KCNQ5: variants seen among roughly 807,000 people sequenced by gnomAD.
KCNQ5 encodes the protein potassium voltage-gated channel subfamily KQT member 5.
A neutral mutation model predicts 98.2 loss-of-function variants in KCNQ5; 30 were observed. The observed-to-expected ratio is 0.31, with a 90% CI of 0.23 to 0.41. The LOEUF (loss-of-function observed/expected upper bound fraction) is 0.41, where lower values mean the gene tolerates loss of function less well. KCNQ5 is among the 10% of genes least tolerant of loss of function. The probability of loss-of-function intolerance (pLI) is 1.00; values close to 1 mark genes in which losing one functional copy is unlikely to be tolerated. For synonymous variants in KCNQ5, 458 were observed against 449.4 expected, an observed-to-expected ratio of 1.02 and a Z score of -0.24; for missense variants, 835 against 1,182.5, an observed-to-expected ratio of 0.71 and a Z score of 4.31.
intron 1 of KCNQ5, among the ~76,000 whole-genome samples, chr6:72,859,989 T>C (rs1777698356): frequency 6.6e-6 from 1 of 152,098 alleles, no homozygotes; most frequent in Non-Finnish European, 1.5e-5. Flanking sequence ...TTTCCCCTTT[T>C]GTTGTCTCCA....
At chr6:72,771,902 G>A (rs1772911924) in intron 1 of KCNQ5, among the ~76,000 whole-genome samples, 1 of 151,978 alleles carries the variant, frequency 6.6e-6, no homozygotes, top group African/African-American at 2.4e-5. Flanking sequence ...TTACGTATAG[G>A]GAACAAGGAC....
chr6:73,075,435 A>C (rs181389035), intron 3 of KCNQ5, among the ~76,000 whole-genome samples: 182 of 152,118 alleles, frequency 1.2e-3, no homozygotes, highest in East Asian at 9.5e-3. Context: ...GTTGGCCAGG[A>C]TGGTCTCGAT....
At chr6:72,696,486 C>T (rs1481926929) in intron 1 of KCNQ5, among the ~76,000 whole-genome samples, 1 of 152,048 alleles carries the variant, frequency 6.6e-6, no homozygotes, top group Admixed American at 6.6e-5. Context: ...GAGATAATTA[C>T]AGAAGAATAA....
chr6:72,983,430 A>AT (rs1231315585), intron 1 of KCNQ5, among the ~76,000 whole-genome samples: 1 of 152,028 alleles, frequency 6.6e-6, no homozygotes. Flanking sequence ...TTGATCTTCA[A>AT]TCACTGATAC....
intron 5 of KCNQ5, among the ~76,000 whole-genome samples, chr6:73,081,166 G>A (rs1294922737): frequency 6.6e-6 from 1 of 152,294 alleles, no homozygotes. Flanking sequence ...CACAGAAGAG[G>A]CTTGGGAATT....
At chr6:72,636,276 T>C (rs2098924078) in intron 1 of KCNQ5, among the ~76,000 whole-genome samples, 1 of 152,178 alleles carries the variant, frequency 6.6e-6, no homozygotes, top group Non-Finnish European at 1.5e-5. Flanking sequence ...GTTATAATCA[T>C]TAGGAGTTTC....
chr6:72,672,206 C>T (rs1328318951), intron 1 of KCNQ5, among the ~76,000 whole-genome samples: 1 of 151,308 alleles, frequency 6.6e-6, no homozygotes, highest in African/African-American at 2.4e-5. Flanking sequence ...ACCTCTGCCT[C>T]CCAAGTTCAA....
At chr6:73,088,104 C>A (rs1774068109) in intron 5 of KCNQ5, among the ~76,000 whole-genome samples, 1 of 148,934 alleles carries the variant, frequency 6.7e-6, no homozygotes, top group African/African-American at 2.5e-5. Flanking sequence ...TCACTGCAAC[C>A]TCCACATCCT....
At position 72,698,233 on chromosome 6, in the gene KCNQ5, A is replaced by G. The variant is rs574246067; in HGVS notation, c.398+75646A>G. Among the ~76,000 whole-genome samples, 95 of 151,780 alleles carry G rather than the reference A, an allele frequency of 6.3e-4. 1 individual carries two copies. The highest frequency in any genetic ancestry group is 2.3e-3 in the African/African-American group (94 of 41,380). ...TTTTTTCTTTTTGAGACAGAGTTTC[A>G]CTCTTGTTGCCCAGGTTGGAGTGCA... On this transcript the variant is annotated intron_variant, in intron 1 of 13. Coordinates refer to ENST00000370398, the MANE Select transcript of KCNQ5 (RefSeq NM_019842.4).
At chr6:72,640,367 A>G (rs1206535362) in intron 1 of KCNQ5, among the ~76,000 whole-genome samples, 2 of 55,960 alleles carry the variant, frequency 3.6e-5, no homozygotes, top group East Asian at 1.3e-3. Flanking sequence ...ATACTTTGTA[A>G]CCATATATAG....
intron 1 of KCNQ5, among the ~76,000 whole-genome samples, chr6:72,863,749 A>T (rs914375670): frequency 2.0e-5 from 3 of 152,238 alleles, no homozygotes; most frequent in Admixed American, 6.5e-5. Flanking sequence ...TTTTTTTAAA[A>T]GTTGTGTAAG....
chr6:73,093,190 C>T (rs188639908), intron 5 of KCNQ5, among the ~76,000 whole-genome samples: 147 of 152,182 alleles, frequency 9.7e-4, no homozygotes, highest in African/African-American at 3.3e-3. Context: ...AGTTTATGTG[C>T]GTAATGGTGT....
At position 72,988,492 on chromosome 6, in the gene KCNQ5, T is replaced by C. The variant is rs74677152; in HGVS notation, c.399-15416T>C. Among the ~76,000 whole-genome samples the C allele has an allele frequency of 2.8e-3, 432 of 152,168 alleles. 5 individuals carry two copies. Among genetic ancestry groups the C allele is most frequent in the East Asian group, 0.025 (131 of 5,170 alleles). ...TCGTAAACATGGGAACAATAGACACTGCAGACTACTAGAGGGGAGGGGAAG... is the reference window on the plus strand; with the variant it reads ...TCGTAAACATGGGAACAATAGACACCGCAGACTACTAGAGGGGAGGGGAAG... On this transcript the variant is annotated intron_variant, in intron 1 of 13. Coordinates refer to ENST00000370398, the MANE Select transcript of KCNQ5 (RefSeq NM_019842.4).
At chr6:72,895,247 C>T (rs1375906813) in intron 1 of KCNQ5, among the ~76,000 whole-genome samples, 1 of 150,534 alleles carries the variant, frequency 6.6e-6, no homozygotes, top group Non-Finnish European at 1.5e-5. Context: ...AGAGATCGCA[C>T]CACTGCACAC....
At chr6:73,103,708 A>G (rs1684629771) in intron 5 of KCNQ5, among the ~76,000 whole-genome samples, 1 of 151,900 alleles carries the variant, frequency 6.6e-6, no homozygotes. Flanking sequence ...TGAGAAGGGT[A>G]GTGGAGAGAG....
rs562431764 is a variant in KCNQ5 at position 72,724,759 on chromosome 6, T to C, written c.398+102172T>C. Reference sequence around the variant, plus strand: ...GCTGAATGAAGCCCACATTACTTTATAGACTTGACGACCTGTGGTTTTACT... The same window carrying C: ...GCTGAATGAAGCCCACATTACTTTACAGACTTGACGACCTGTGGTTTTACT... On this transcript the variant is annotated intron_variant, in intron 1 of 13. Transcript: ENST00000370398. Among the ~76,000 whole-genome samples the C allele has an allele frequency of 1.4e-4, 22 of 152,340 alleles. No individual in the cohort carries two copies. The East Asian group carries it at 4.2e-3, about 29-fold the overall frequency.
At chr6:72,974,187 C>CATAATT (rs1208576687) in intron 1 of KCNQ5, among the ~76,000 whole-genome samples, 1 of 152,192 alleles carries the variant, frequency 6.6e-6, no homozygotes, top group African/African-American at 2.4e-5. Flanking sequence ...TTAATTAGAA[C>CATAATT]ATAATTACAC....
chr6:72,710,885 A>G (rs1561936113), intron 1 of KCNQ5, among the ~76,000 whole-genome samples: 1 of 152,174 alleles, frequency 6.6e-6, no homozygotes, highest in Non-Finnish European at 1.5e-5. Context: ...CAGCAACAGG[A>G]TATACATTCT....
chr6:72,957,039 TTGCCTCTACTTTAGAGCACAGCCTTGAG>T (rs1479792479), intron 1 of KCNQ5, among the ~76,000 whole-genome samples: 1 of 152,198 alleles, frequency 6.6e-6, no homozygotes, highest in Admixed American at 6.5e-5. Context: ...AGGCTGGGCT[TTGCCTCTACTTTAGAGCACAGCCTTGAG>T]TGCTTCACTT....
Sources: allele counts gnomAD v4.1 joint callset (sites outside exome capture counted in the v4.1 genomes callset), GRCh38; gene constraint gnomAD v4.1.1; transcripts MANE v1.5; gene names NCBI Gene and HGNC (gene_info 2026-07-23, HGNC 2026-07-21).